Variants in TBXAS1 observed in about 807,000 individuals in gnomAD.
TBXAS1 encodes the protein thromboxane-A synthase.
In TBXAS1, 48 loss-of-function variants were observed where a neutral mutation model predicts 60.7. The observed-to-expected ratio is 0.79, with a 90% CI of 0.63 to 1.01. The LOEUF (loss-of-function observed/expected upper bound fraction) is 1.01. Ranked by LOEUF, TBXAS1 falls within the 50% of genes least tolerant of loss-of-function variation. TBXAS1 has a pLI of 0.00. For missense variants in TBXAS1, 685 were observed against 686.3 expected, an observed-to-expected ratio of 1.00 and a Z score of 0.02; for synonymous variants, 287 against 269.7, an observed-to-expected ratio of 1.06 and a Z score of -0.63.
At chr7:139,903,682 C>G (rs185320024) in intron 3 of TBXAS1, among the ~76,000 whole-genome samples, 1 of 151,914 alleles carries the variant, frequency 6.6e-6, no homozygotes, top group Non-Finnish European at 1.5e-5. Context: ...CAGTTTTGAT[C>G]GGCATTTCCC....
chr7:139,975,201 T>C lies in TBXAS1; in HGVS notation c.1134+12968T>C, dbSNP rs1811479939. 6.6e-6 allele frequency among the ~76,000 whole-genome samples: 1 copy of C among 152,186 alleles called. No individual in the cohort carries two copies. Among genetic ancestry groups the C allele is most frequent in the Non-Finnish European group, 1.5e-5 (1 of 68,040 alleles). On this transcript the variant is annotated intron_variant, in intron 9 of 12. Transcript: ENST00000448866. This position sits in a 1 kb window ranked among gnomAD's most constrained non-coding sequence, Gnocchi z 4.4. ...CTCCTCAAAGTCAGCTGATTTTAAG[T>C]GTTAACCATATCTACCGAAGACCTT...
chr7:139,835,721 A>C (rs1210463135), intron 1 of TBXAS1, among the ~76,000 whole-genome samples: 1 of 152,198 alleles, frequency 6.6e-6, no homozygotes. Context: ...TTGGAACAAG[A>C]CAAGGATGTC....
rs977901000 is a variant in TBXAS1 at position 139,778,520 on chromosome 7, G to C, written c.-318+49G>C. 1 of 152,606 alleles carries C rather than the reference G, an allele frequency of 6.6e-6. No homozygotes were observed. Among genetic ancestry groups the C allele is most frequent in the Non-Finnish European group, 1.5e-5 (1 of 68,202 alleles). 9.5% of individuals were successfully genotyped at this position (152,606 alleles called of 1,614,324 possible). A position where few individuals can be genotyped will look rare whatever the true frequency, so the allele number is the denominator to read the frequency against. Reference sequence around the variant, plus strand: ...AGGAGTGGGCGCGCGCCGTGCTCCGGAGGAGGGCGGGTGAGTGGAGGAGCT... The same window carrying C: ...AGGAGTGGGCGCGCGCCGTGCTCCGCAGGAGGGCGGGTGAGTGGAGGAGCT... On this transcript the variant is annotated intron_variant, in intron 1 of 16. Transcript: ENST00000336425. This position sits in a 1 kb window ranked among gnomAD's most constrained non-coding sequence, Gnocchi z 4.8.
intron 1 of TBXAS1, among the ~76,000 whole-genome samples, chr7:139,842,602 A>G (rs1411340505): frequency 6.6e-6 from 1 of 152,210 alleles, no homozygotes; most frequent in Non-Finnish European, 1.5e-5. Flanking sequence ...TTGGTGCTTC[A>G]ATTACTAAGA....
chr7:139,944,225 C>T (rs1267474220), intron 5 of TBXAS1, among the ~76,000 whole-genome samples: 2 of 152,132 alleles, frequency 1.3e-5, no homozygotes, highest in African/African-American at 4.8e-5. Context: ...GAAGATTTTG[C>T]TGTTTTGACA....
intron 9 of TBXAS1, among the ~76,000 whole-genome samples, chr7:140,000,717 T>G (rs16882280): frequency 0.053 from 8,128 of 152,282 alleles, 233 homozygotes; most frequent in African/African-American, 0.069. Context: ...TATTTAATTT[T>G]CAACCCTCTA....
intron 1 of TBXAS1, among the ~76,000 whole-genome samples, chr7:139,840,137 C>A (rs194152): frequency 9.9e-5 from 15 of 152,090 alleles, no homozygotes; most frequent in South Asian, 8.3e-4. Flanking sequence ...ACCACTATGC[C>A]TGGAAGTTCC....
chr7:139,965,524 G>A (rs1397610720), intron 9 of TBXAS1, among the ~76,000 whole-genome samples: 1 of 152,038 alleles, frequency 6.6e-6, no homozygotes, highest in East Asian at 1.9e-4. Flanking sequence ...AAACTCCGCC[G>A]CCTAAGGAAC....
At chr7:139,992,749 G>C (rs961007070) in intron 9 of TBXAS1, among the ~76,000 whole-genome samples, 1 of 152,220 alleles carries the variant, frequency 6.6e-6, no homozygotes, top group Non-Finnish European at 1.5e-5. Context: ...CATGGGGAGT[G>C]ATTAGCTCTG....
At chr7:139,843,882 C>G (rs1799630965) in intron 1 of TBXAS1, among the ~76,000 whole-genome samples, 1 of 152,142 alleles carries the variant, frequency 6.6e-6, no homozygotes, top group Non-Finnish European at 1.5e-5. Flanking sequence ...AATCAGTCTC[C>G]CCCTAATTGC....
intron 1 of TBXAS1, among the ~76,000 whole-genome samples, chr7:139,853,567 C>T (rs540219775): frequency 1.5e-3 from 231 of 152,204 alleles, no homozygotes; most frequent in South Asian, 2.9e-3. Context: ...AGCACTCAGC[C>T]GGGCTCCTGG....
intron 10 of TBXAS1, among the ~76,000 whole-genome samples, chr7:140,009,265 A>C (rs1216937159): frequency 6.6e-6 from 1 of 152,198 alleles, no homozygotes; most frequent in Admixed American, 6.5e-5. Flanking sequence ...GAATTCATCT[A>C]ACAGGTCTAG....
chr7:140,016,053 G>T (rs1294953154), intron 11 of TBXAS1, among the ~76,000 whole-genome samples, 193 bp downstream of exon 11: 1 of 152,122 alleles, frequency 6.6e-6, no homozygotes, highest in Non-Finnish European at 1.5e-5. Context: ...TTTTAGCCAC[G>T]CGTGGTGGCT....
chr7:139,817,588 C>T (rs140343746), intron 4 of TBXAS1, among the ~76,000 whole-genome samples: 14 of 152,226 alleles, frequency 9.2e-5, no homozygotes, highest in East Asian at 1.9e-4. Flanking sequence ...GTCCAGAGGA[C>T]GCAGCTTTAG....
intron 1 of TBXAS1, among the ~76,000 whole-genome samples, chr7:139,865,184 G>C (rs1801261691): frequency 6.6e-6 from 1 of 152,108 alleles, no homozygotes; most frequent in African/African-American, 2.4e-5. Flanking sequence ...TGGACACTAG[G>C]TGCTAAAAGG....
chr7:139,992,038 C>T (rs1220376485), intron 9 of TBXAS1, among the ~76,000 whole-genome samples: 1 of 152,188 alleles, frequency 6.6e-6, no homozygotes, highest in Non-Finnish European at 1.5e-5. Context: ...CTTTCTCTCC[C>T]CCAACGCCCA....
At chr7:140,012,442 C>T (rs1459372040) in intron 10 of TBXAS1, among the ~76,000 whole-genome samples, 1 of 151,816 alleles carries the variant, frequency 6.6e-6, no homozygotes, top group African/African-American at 2.4e-5. Context: ...TTTAAAATCC[C>T]AAATCACCTG....
intron 4 of TBXAS1, among the ~76,000 whole-genome samples, chr7:139,801,065 G>A (rs1797710720): frequency 6.6e-6 from 1 of 152,164 alleles, no homozygotes; most frequent in African/African-American, 2.4e-5. Flanking sequence ...CATTTTACTA[G>A]GGATGACATT....
At chr7:139,856,290 C>T (rs1447380021) in intron 1 of TBXAS1, among the ~76,000 whole-genome samples, 1 of 152,214 alleles carries the variant, frequency 6.6e-6, no homozygotes, top group Admixed American at 6.5e-5. Context: ...CTGGGGTGAT[C>T]GAGTTGTTTT....
Sources: gnomAD v4.1 joint callset for allele counts (sites outside exome capture counted in the v4.1 genomes callset) on GRCh38, gnomAD v4.1.1 for gene constraint, Gnocchi (gnomAD v3.1) non-coding constraint, MANE v1.5 for transcripts, NCBI Gene and HGNC (gene_info 2026-07-23, HGNC 2026-07-21) for gene names.